The following HIVEP3 variants were observed in gnomAD, a reference collection of about 807,000 sequenced individuals.
The protein encoded by HIVEP3 is transcription factor HIVEP3.
Under a neutral mutation model 152.8 loss-of-function variants are expected in HIVEP3, and 49 were observed. That is an observed-to-expected ratio of 0.32 (90% CI 0.26 to 0.41). The LOEUF (loss-of-function observed/expected upper bound fraction) is 0.41. HIVEP3 is among the 10% of genes least tolerant of loss of function. The pLI is 1.00. For missense variants in HIVEP3, 2,790 were observed against 3,103.3 expected, an observed-to-expected ratio of 0.90 and a Z score of 2.40; for synonymous variants, 1,269 against 1,289.0, an observed-to-expected ratio of 0.98 and a Z score of 0.33.
chr1:42,031,424 GT>G (rs543740387), intron 1 of HIVEP3, among the ~76,000 whole-genome samples: 3 of 149,376 alleles, frequency 2.0e-5, no homozygotes, highest in Admixed American at 6.7e-5. Flanking sequence ...TCCTAGTAAG[GT>G]TTTTTTTTTA....
chr1:41,522,508 C>A (rs1021890803), intron 6 of HIVEP3, among the ~76,000 whole-genome samples: 5 of 152,212 alleles, frequency 3.3e-5, no homozygotes, highest in African/African-American at 7.2e-5. Context: ...ACAGCCCTGG[C>A]CTTCAGGACA....
At chr1:41,979,890 C>G (rs1645285030) in intron 1 of HIVEP3, among the ~76,000 whole-genome samples, 1 of 152,182 alleles carries the variant, frequency 6.6e-6, no homozygotes, top group South Asian at 2.1e-4. Context: ...GTTATGGGAG[C>G]AGGAATATGA....
intron 1 of HIVEP3, among the ~76,000 whole-genome samples, chr1:41,701,255 C>T (rs1419191034): frequency 6.6e-6 from 1 of 152,242 alleles, no homozygotes; most frequent in Non-Finnish European, 1.5e-5. Flanking sequence ...TGGTCCTGTA[C>T]TCAGGCCTAA....
chr1:41,684,445 G>T (rs1195795691), intron 2 of HIVEP3, among the ~76,000 whole-genome samples: 1 of 152,196 alleles, frequency 6.6e-6, no homozygotes, highest in Non-Finnish European at 1.5e-5. Context: ...CTGCTGTACA[G>T]TCCCATGGTG....
At chr1:41,760,841 A>G (rs1647624656) in intron 1 of HIVEP3, among the ~76,000 whole-genome samples, 1 of 152,168 alleles carries the variant, frequency 6.6e-6, no homozygotes, top group Non-Finnish European at 1.5e-5. Flanking sequence ...TGGTCTCCCC[A>G]GCCTTCCTCA....
intron 3 of HIVEP3, among the ~76,000 whole-genome samples, chr1:41,609,599 C>T (rs951611411): frequency 2.0e-5 from 3 of 152,368 alleles, no homozygotes; most frequent in Admixed American, 6.5e-5. Flanking sequence ...GTCTCCAATC[C>T]ATAATGACAC....
Position 41,628,832 on chromosome 1 carries a change from A to C in HIVEP3, c.-605T>G. ...CAGCATTCATGTCCACTCCTACGGC[A>C]GCCACCCTCCACCTAGGCGCCGCTC... On this transcript the variant is annotated 5_prime_UTR_variant, in exon 3 of 9. Transcript: ENST00000372583. 8.1e-7 allele frequency: 1 copy of C among 1,231,874 alleles called. No homozygotes were observed. Among genetic ancestry groups the C allele is most frequent in the East Asian group, 3.2e-5 (1 of 31,690 alleles). 76.3% of individuals were successfully genotyped at this position (1,231,874 alleles called of 1,614,324 possible). A position where few individuals can be genotyped will look rare whatever the true frequency, so the allele number is the denominator to read the frequency against.
chr1:41,622,475 A>G (rs1454466400), intron 3 of HIVEP3, among the ~76,000 whole-genome samples: 1 of 152,198 alleles, frequency 6.6e-6, no homozygotes, highest in Non-Finnish European at 1.5e-5. Flanking sequence ...CCTGTAGGTC[A>G]AGGGTTGGCA....
At chr1:41,731,725 G>T (rs982305641) in intron 1 of HIVEP3, among the ~76,000 whole-genome samples, 9 of 152,242 alleles carry the variant, frequency 5.9e-5, no homozygotes, top group African/African-American at 1.9e-4. Context: ...ATCTGGAAAG[G>T]GAGTCTTCCA....
rs1357293934 is a variant in HIVEP3, at chr1:41,717,041, C to A, written c.-800-16046G>T. 2.0e-5 allele frequency among the ~76,000 whole-genome samples: 3 copies of A among 152,204 alleles called. No individual in the cohort carries two copies. The South Asian group carries it at 6.2e-4, about 32-fold the overall frequency. ...TGGCAGTCTTCTCTTTTGGGGAGAG[C>A]TGGTTGCCCTGTGTCCTGCTCTGAG... is the stretch of plus-strand genomic sequence containing the variant. On this transcript the variant is annotated intron_variant, in intron 1 of 8. Transcript: ENST00000372583.
intron 5 of HIVEP3, among the ~76,000 whole-genome samples, chr1:41,528,429 C>T (rs1257211630): frequency 1.5e-5 from 2 of 133,620 alleles, no homozygotes; most frequent in Non-Finnish European, 3.2e-5. Context: ...CCCTCACACC[C>T]TCAGACTCAC....
At chr1:41,568,291 G>A (rs1020952802) in intron 5 of HIVEP3, among the ~76,000 whole-genome samples, 1 of 152,262 alleles carries the variant, frequency 6.6e-6, no homozygotes, top group Non-Finnish European at 1.5e-5. Flanking sequence ...GTGATGGAGA[G>A]AAGTGAGGGG....
chr1:41,598,806 G>GTTAT (rs10655770), intron 3 of HIVEP3, among the ~76,000 whole-genome samples: 103,996 of 146,934 alleles, frequency 0.71, 37,269 homozygotes, highest in Non-Finnish European at 0.79. Context: ...GTCACATGAT[G>GTTAT]TTATTTATTT....
At chr1:41,898,147 T>C (rs770412196) in intron 1 of HIVEP3, among the ~76,000 whole-genome samples, 1 of 152,228 alleles carries the variant, frequency 6.6e-6, no homozygotes, top group Non-Finnish European at 1.5e-5. Flanking sequence ...ATTGGTTTCA[T>C]CTATTTGTTG....
chr1:41,951,414 A>G (rs573072185), intron 1 of HIVEP3, among the ~76,000 whole-genome samples: 4 of 152,336 alleles, frequency 2.6e-5, no homozygotes, highest in South Asian at 4.1e-4. Flanking sequence ...GGTGGCAGAC[A>G]ATGACTGAGA....
At position 41,533,952 on chromosome 1, in the gene HIVEP3, G is replaced by C. The variant is rs1447802859; in HGVS notation, c.5208-9042C>G. On this transcript the variant is annotated intron_variant, in intron 5 of 8. Transcript: ENST00000372583. The surrounding 1 kb of genome is among the most constrained non-coding windows in gnomAD (Gnocchi z 4.3). The stretch of plus-strand genomic sequence containing the variant: ...GCTCCTGGGTCCCCGTTCTCTCTCA[G>C]CAAGCAGCACCTGCACTCGTGTGGC... Among the ~76,000 whole-genome samples the C allele has an allele frequency of 2.0e-5, 3 of 151,668 alleles. No individual in the cohort carries two copies. The highest frequency in any genetic ancestry group is 4.4e-5 in the Non-Finnish European group (3 of 67,972).
intron 1 of HIVEP3, among the ~76,000 whole-genome samples, chr1:41,994,934 A>G (rs1645386932): frequency 6.6e-6 from 1 of 152,186 alleles, no homozygotes; most frequent in Non-Finnish European, 1.5e-5. Context: ...GTTTAACAAG[A>G]GATTACACAT....
chr1:41,727,062 G>A (rs1289559668), intron 1 of HIVEP3, among the ~76,000 whole-genome samples: 5 of 152,232 alleles, frequency 3.3e-5, no homozygotes, highest in African/African-American at 7.2e-5. Context: ...AGGTGTGGGC[G>A]CCCAGTGTTG....
chr1:41,953,374 G>A (rs1645121269), intron 1 of HIVEP3, among the ~76,000 whole-genome samples: 1 of 152,200 alleles, frequency 6.6e-6, no homozygotes, highest in Non-Finnish European at 1.5e-5. Context: ...CTTTGCCTCA[G>A]CCTCATGTAT....
Sources: gnomAD v4.1 joint callset for allele counts (sites outside exome capture counted in the v4.1 genomes callset) on GRCh38, gnomAD v4.1.1 for gene constraint, Gnocchi (gnomAD v3.1) non-coding constraint, MANE v1.5 for transcripts, NCBI Gene and HGNC (gene_info 2026-07-23, HGNC 2026-07-21) for gene names.